The following DNAH11 variants were observed in gnomAD, a reference collection of about 807,000 sequenced individuals.
DNAH11 encodes the protein dynein axonemal heavy chain 11.
In DNAH11, 442 loss-of-function variants were observed where a neutral mutation model predicts 526.0. That is an observed-to-expected ratio of 0.84 (90% CI 0.78 to 0.91). DNAH11 has a LOEUF of 0.91. DNAH11 is among the 40% of genes least tolerant of loss of function. DNAH11 has a pLI of 0.00. For missense variants in DNAH11, 6,989 were observed against 5,448.7 expected (o/e 1.28, Z -8.90); for synonymous variants, 2,461 against 1,935.9 (o/e 1.27, Z -7.12).
intron 46 of DNAH11, among the ~76,000 whole-genome samples, chr7:21,736,355 A>G (rs2072223): frequency 0.12 from 17,601 of 152,150 alleles, 1,775 homozygotes; most frequent in African/African-American, 0.25. Context: ...GCATTCCCAG[A>G]GTTAGGTAGG....
At chr7:21,774,163 A>G (rs1159389159) in intron 56 of DNAH11, among the ~76,000 whole-genome samples, 164 bp downstream of exon 56, 1 of 152,176 alleles carries the variant, frequency 6.6e-6, no homozygotes, top group Non-Finnish European at 1.5e-5. Context: ...AAAAGCCTAC[A>G]ATGGGATTGG....
At chr7:21,751,878 T>C (rs973775508) in intron 54 of DNAH11, among the ~76,000 whole-genome samples, 5 of 152,218 alleles carry the variant, frequency 3.3e-5, no homozygotes, top group South Asian at 2.1e-4. Context: ...TTCTTCCTGT[T>C]CCATGGTGAT....
intron 8 of DNAH11, among the ~76,000 whole-genome samples, chr7:21,572,801 AC>A (rs1783944129): frequency 6.6e-6 from 1 of 152,210 alleles, no homozygotes; most frequent in South Asian, 2.1e-4. Context: ...TGGTAGAAGG[AC>A]ACTGCTGTAA....
At chr7:21,670,389 G>A (rs927769876) in intron 30 of DNAH11, among the ~76,000 whole-genome samples, 1 of 151,894 alleles carries the variant, frequency 6.6e-6, no homozygotes, top group South Asian at 2.1e-4. Context: ...TTATCTTGGG[G>A]CTTTGCTAAA....
rs571432165 is a variant in DNAH11, at chr7:21,650,917, G to A, written c.4945-4915G>A. 2.1e-3 allele frequency among the ~76,000 whole-genome samples: 315 copies of A among 150,610 alleles called. 4 individuals carry two copies. Among genetic ancestry groups the A allele is most frequent in the African/African-American group, 7.3e-3 (296 of 40,788 alleles). On this transcript the variant is annotated intron_variant, in intron 28 of 81. Coordinates refer to ENST00000409508, the MANE Select transcript of DNAH11 (RefSeq NM_001277115.2). ...TGCCTCCCAAAGTGCTGGGATTATA[G>A]GCGTAAGCCACCGTGCCGGGCCCAA...
chr7:21,640,420 T>C (rs1029080374), intron 28 of DNAH11, among the ~76,000 whole-genome samples: 1 of 152,170 alleles, frequency 6.6e-6, no homozygotes, highest in Non-Finnish European at 1.5e-5. Flanking sequence ...CTGAATACTT[T>C]TCAAATCTGA....
At chr7:21,592,248 C>T (rs182268179) in intron 14 of DNAH11, among the ~76,000 whole-genome samples, 53 of 152,274 alleles carry the variant, frequency 3.5e-4, no homozygotes, top group Admixed American at 2.9e-3. Flanking sequence ...AAAAATAGAG[C>T]AGAGCAGGTG....
At chr7:21,784,692 C>T (rs906761620) in intron 58 of DNAH11, among the ~76,000 whole-genome samples, 152 bp downstream of exon 58, 8 of 152,304 alleles carry the variant, frequency 5.3e-5, no homozygotes, top group Non-Finnish European at 8.8e-5. Context: ...TTGAAACAAA[C>T]CATTGAGGTC....
At chr7:21,590,381 A>C (rs1025202220) in intron 12 of DNAH11, among the ~76,000 whole-genome samples, 2 of 152,198 alleles carry the variant, frequency 1.3e-5, no homozygotes, top group Non-Finnish European at 2.9e-5. Flanking sequence ...ATCTATTTGT[A>C]ATTTCCATGA....
At chr7:21,574,999 T>A (rs1562672441) in intron 8 of DNAH11, among the ~76,000 whole-genome samples, 1 of 150,516 alleles carries the variant, frequency 6.6e-6, no homozygotes, top group African/African-American at 2.4e-5. Context: ...CTCAGCCTTC[T>A]GAGTAGCTGG....
At chr7:21,546,408 T>C (rs1782807886) in intron 2 of DNAH11, among the ~76,000 whole-genome samples, 1 of 152,216 alleles carries the variant, frequency 6.6e-6, no homozygotes, top group Admixed American at 6.5e-5. Flanking sequence ...GCTCAGATTT[T>C]AATTGAACTG....
Position 21,571,680 on chromosome 7 carries a change from TATTTTCTGTC to T in DNAH11, c.1426-112_1426-103del, listed in dbSNP as rs67521428. Reference sequence around the variant, plus strand: ...TACTTATTTCTGTCATGAAAATATTTATTTTCTGTCATTTTCTGTCATTGACTCATTGATT... The same window carrying T: ...TACTTATTTCTGTCATGAAAATATTTATTTTCTGTCATTGACTCATTGATT... On this transcript the variant is annotated intron_variant, in intron 7 of 81. Transcript: ENST00000409508. 0.087 allele frequency: 59,088 copies of T among 675,480 alleles called. 3,170 individuals carry two copies. The highest frequency in any genetic ancestry group is 0.11 in the Non-Finnish European group (47,403 of 446,920). The allele number at this position is 675,480 out of a possible 1,614,324, so 41.8% of individuals were successfully genotyped here. A position where few individuals can be genotyped will look rare whatever the true frequency, so the allele number is the denominator to read the frequency against.
At position 21,570,187 on chromosome 7, in the gene DNAH11, G is replaced by GA. The variant is rs1562668233; in HGVS notation, c.1320dup (p.Leu441IlefsTer25). 6.2e-7 allele frequency: 1 copy of GA among 1,613,356 alleles called. No individual in the cohort carries two copies. Among genetic ancestry groups the GA allele is most frequent in the Admixed American group, 1.7e-5 (1 of 59,980 alleles). ...TTCAAAAACTCCTTTTTCAACTATA[G>GA]AAAAAAATTGGCAAGCTACTTTATG... On this transcript the variant is annotated frameshift_variant, in exon 7 of 82. Coordinates refer to ENST00000409508, the MANE Select transcript of DNAH11 (RefSeq NM_001277115.2). LOFTEE classifies it high-confidence loss of function.
In DNAH11 at chr7:21,833,065, G is replaced by A. The variant is rs556250353; in HGVS notation, c.10692-9479G>A. On this transcript the variant is annotated intron_variant, in intron 65 of 81. Transcript: ENST00000409508. Reference sequence around the variant, plus strand: ...TAAATTAACCTGACTTCTTACCATAGTTCCCAATCCCATGACAGTGAACTG... The same window carrying A: ...TAAATTAACCTGACTTCTTACCATAATTCCCAATCCCATGACAGTGAACTG... 2.0e-5 allele frequency among the ~76,000 whole-genome samples: 3 copies of A among 152,218 alleles called. No homozygotes were observed. In the East Asian group the frequency reaches 5.8e-4, roughly 29 times the overall value.
chr7:21,901,242 T>G lies in DNAH11; in HGVS notation c.13539T>G (p.Leu4513=). 1 of 1,611,702 alleles carries G rather than the reference T, an allele frequency of 6.2e-7. No individual in the cohort carries two copies. The highest frequency in any genetic ancestry group is 8.5e-7 in the Non-Finnish European group (1 of 1,178,596). Residue 4513 remains leucine, a synonymous_variant, in exon 82 of 82, where the codon CTT becomes CTG. Transcript: ENST00000409508. ...GGGTTCTGGCTGGAGTGGCTCTGCT[T>G]CTAGAAGCGTAAGGTAACACTGGCA... ...AKWVLAGVAL[L]LEA is the part of the protein sequence containing the mutation.
At chr7:21,862,400 G>C (rs1284288430) in intron 69 of DNAH11, among the ~76,000 whole-genome samples, 5 of 152,092 alleles carry the variant, frequency 3.3e-5, no homozygotes, top group African/African-American at 1.2e-4. Context: ...GAGTGGAGCT[G>C]GGCTCCTTAC....
chr7:21,825,496 G>A lies in DNAH11; in HGVS notation c.10691+7157G>A, dbSNP rs146658353. 5.5e-3 allele frequency among the ~76,000 whole-genome samples: 840 copies of A among 152,312 alleles called. 5 individuals carry two copies. Among genetic ancestry groups the A allele is most frequent in the African/African-American group, 0.019 (789 of 41,568 alleles). ...TGCTCACTAGTAGTATATAAGAATTGTGGAGTCTTTCAGAGAACTGAGAGA... is the reference window on the plus strand; with the variant it reads ...TGCTCACTAGTAGTATATAAGAATTATGGAGTCTTTCAGAGAACTGAGAGA... On this transcript the variant is annotated intron_variant, in intron 65 of 81. Transcript: ENST00000409508.
At chr7:21,723,108 A>G (rs529186887) in intron 44 of DNAH11, among the ~76,000 whole-genome samples, 1 of 152,356 alleles carries the variant, frequency 6.6e-6, no homozygotes, top group African/African-American at 2.4e-5. Context: ...AACAGAGGCT[A>G]TGAGGTTGGC....
chr7:21,795,031 G>A (rs1337093780), intron 61 of DNAH11, among the ~76,000 whole-genome samples: 2 of 152,108 alleles, frequency 1.3e-5, no homozygotes, highest in African/African-American at 4.8e-5. Flanking sequence ...GGATGTTGCT[G>A]GTGATAGTCT....
Sources: allele counts gnomAD v4.1 joint callset (sites outside exome capture counted in the v4.1 genomes callset), GRCh38; gene constraint gnomAD v4.1.1; transcripts MANE v1.5; gene names NCBI Gene and HGNC (gene_info 2026-07-23, HGNC 2026-07-21).